The following SLC22A23 variants were observed in gnomAD, a reference collection of about 807,000 sequenced individuals.
The protein encoded by SLC22A23 is ion transporter protein.
A neutral mutation model predicts 61.0 loss-of-function variants in SLC22A23; 26 were observed. The ratio of observed to expected loss-of-function variants is 0.43; its 90% CI spans 0.31 to 0.59. The LOEUF is 0.59. SLC22A23 is among the 20% of genes least tolerant of loss of function. The probability of loss-of-function intolerance (pLI) is 0.11; values close to 1 mark genes in which losing one functional copy is unlikely to be tolerated. For synonymous variants in SLC22A23, 430 were observed against 413.9 expected, an observed-to-expected ratio of 1.04 and a Z score of -0.47; for missense variants, 796 against 934.7, an observed-to-expected ratio of 0.85 and a Z score of 1.94.
intron 3 of SLC22A23, among the ~76,000 whole-genome samples, chr6:3,341,106 T>C (rs1764128386): frequency 6.6e-6 from 1 of 152,158 alleles, no homozygotes; most frequent in African/African-American, 2.4e-5. Context: ...ACATACAGCA[T>C]TTAATATAGA....
Position 3,297,364 on chromosome 6 carries a change from G to A in SLC22A23, c.1210+727C>T, listed in dbSNP as rs1207258988. On this transcript the variant is annotated intron_variant, in intron 5 of 9. Transcript: ENST00000406686. The surrounding 1 kb of genome is among the most constrained non-coding windows in gnomAD (Gnocchi z 4.3). Reference sequence around the variant, plus strand: ...CAGTGAGGGCAGTGAGTCAGAGCTTGGGCCGAGACCACCAGTGATCTTCAA... The same window carrying A: ...CAGTGAGGGCAGTGAGTCAGAGCTTAGGCCGAGACCACCAGTGATCTTCAA... Among the ~76,000 whole-genome samples, 1 of 152,184 alleles carries A rather than the reference G, an allele frequency of 6.6e-6. No homozygotes were observed. Among genetic ancestry groups the A allele is most frequent in the Non-Finnish European group, 1.5e-5 (1 of 68,038 alleles).
chr6:3,412,247 A>T (rs1037455566), intron 2 of SLC22A23, among the ~76,000 whole-genome samples: 1 of 152,194 alleles, frequency 6.6e-6, no homozygotes, highest in East Asian at 1.9e-4. Context: ...AATGGTGGCT[A>T]AAATCAACAA....
intron 3 of SLC22A23, among the ~76,000 whole-genome samples, chr6:3,354,120 C>A (rs1027406570): frequency 1.3e-5 from 2 of 152,228 alleles, no homozygotes; most frequent in Non-Finnish European, 2.9e-5. Flanking sequence ...CATGTGTTTT[C>A]TCCTTAGAGT....
At position 3,324,420 on chromosome 6, in the gene SLC22A23, C is replaced by T. The variant is rs556972974; in HGVS notation, c.914-418G>A. Among the ~76,000 whole-genome samples the T allele has an allele frequency of 1.1e-4, 17 of 152,180 alleles. 1 individual carries two copies. In the South Asian group the frequency reaches 3.5e-3, roughly 32 times the overall value. On this transcript the variant is annotated intron_variant, in intron 3 of 9. Transcript: ENST00000406686. This position sits in a 1 kb window ranked among gnomAD's most constrained non-coding sequence, Gnocchi z 4.3. Reference sequence around the variant, plus strand: ...CCTGTCCATGATGCTGTATTAGGGGCCATCTCGACCTCTAGACAGGACACC... The same window carrying T: ...CCTGTCCATGATGCTGTATTAGGGGTCATCTCGACCTCTAGACAGGACACC...
At position 3,297,029 on chromosome 6, in the gene SLC22A23, C is replaced by T. The variant is rs1045727312; in HGVS notation, c.1210+1062G>A. Among the ~76,000 whole-genome samples, 19 of 152,200 alleles carry T rather than the reference C, an allele frequency of 1.2e-4. No homozygotes were observed. Among genetic ancestry groups the T allele is most frequent in the African/African-American group, 4.6e-4 (19 of 41,452 alleles). On this transcript the variant is annotated intron_variant, in intron 5 of 9. Transcript: ENST00000406686. The surrounding 1 kb of genome is among the most constrained non-coding windows in gnomAD (Gnocchi z 4.3). ...TTCCGCAGCCACTCTGACTGTAGTC[C>T]CTCCCTGCCACCCTCTATCCCACAG...
At chr6:3,420,257 T>C (rs1387440167) in intron 1 of SLC22A23, among the ~76,000 whole-genome samples, 2 of 148,564 alleles carry the variant, frequency 1.3e-5, no homozygotes, top group Non-Finnish European at 1.5e-5. Flanking sequence ...AACCAAAAAC[T>C]GTGGAGTCAG....
At chr6:3,307,510 T>C (rs1195593104) in intron 4 of SLC22A23, among the ~76,000 whole-genome samples, 1 of 152,254 alleles carries the variant, frequency 6.6e-6, no homozygotes, top group East Asian at 1.9e-4. Context: ...GCCTTTAGCC[T>C]TCACTTGTCC....
intron 3 of SLC22A23, among the ~76,000 whole-genome samples, chr6:3,383,871 G>A (rs1767114698): frequency 6.6e-6 from 1 of 152,230 alleles, no homozygotes; most frequent in Non-Finnish European, 1.5e-5. Context: ...AAAGCAATGA[G>A]AGCCTTTGAA....
chr6:3,347,597 T>C (rs1764515669), intron 3 of SLC22A23, among the ~76,000 whole-genome samples: 1 of 152,030 alleles, frequency 6.6e-6, no homozygotes, highest in African/African-American at 2.4e-5. Context: ...TCTCCCAGCC[T>C]CCCTCTCTCA....
Position 3,342,645 on chromosome 6 carries a change from C to G in SLC22A23, c.914-18643G>C, listed in dbSNP as rs1481400945. Among the ~76,000 whole-genome samples, 1 of 152,176 alleles carries G rather than the reference C, an allele frequency of 6.6e-6. No homozygotes were observed. Among genetic ancestry groups the G allele is most frequent in the Admixed American group, 6.5e-5 (1 of 15,280 alleles). On this transcript the variant is annotated intron_variant, in intron 3 of 9. Transcript: ENST00000406686. The surrounding 1 kb of genome is among the most constrained non-coding windows in gnomAD (Gnocchi z 4.0). ...TCCAGGAGATTCAAACCTTGAGGAG[C>G]TTTTGCCGTCAAATGTCAGCAAAAT...
chr6:3,448,628 G>C (rs1225358364), intron 1 of SLC22A23, among the ~76,000 whole-genome samples: 1 of 152,218 alleles, frequency 6.6e-6, no homozygotes, highest in South Asian at 2.1e-4. Flanking sequence ...CGAGTAGCTG[G>C]GACTACAGGC....
At chr6:3,277,115 C>T (rs1758982106) in intron 9 of SLC22A23, 1 of 152,430 alleles carries the variant, frequency 6.6e-6, no homozygotes, top group Admixed American at 6.5e-5. Context: ...GAAGGGGCCA[C>T]CCAAGTCTTT....
At chr6:3,437,364 A>T (rs187509344) in intron 1 of SLC22A23, among the ~76,000 whole-genome samples, 16 of 152,256 alleles carry the variant, frequency 1.1e-4, no homozygotes, top group Admixed American at 3.9e-4. Flanking sequence ...GAAAAATATT[A>T]CAAATAAGTC....
rs761340954 is a variant in SLC22A23, at chr6:3,286,965, G to A, written c.1440C>T (p.Cys480=). Reference sequence around the variant, plus strand: ...ATCGGACCACCACGCACATGGCCAGGCAGGACACCAGCGCGATGCTGGCCG... The same window carrying A: ...ATCGGACCACCACGCACATGGCCAGACAGGACACCAGCGCGATGCTGGCCG... ...YTTASIALVS[C]LAMCVVVRFL... The change falls in exon 7 of 10, where the codon TGC becomes TGT. Residue 480 remains cysteine (C), a synonymous_variant. Transcript: ENST00000406686. The surrounding 1 kb of genome is among the most constrained non-coding windows in gnomAD (Gnocchi z 4.2). 2.2e-5 allele frequency: 36 copies of A among 1,614,116 alleles called. No homozygotes were observed. The East Asian group carries it at 8.0e-4, about 36-fold the overall frequency.
chr6:3,344,295 A>AT (rs1186404701), intron 3 of SLC22A23, among the ~76,000 whole-genome samples: 4 of 152,192 alleles, frequency 2.6e-5, no homozygotes, highest in Non-Finnish European at 4.4e-5. Flanking sequence ...AACCAAACAA[A>AT]TTTTTTAAAA....
chr6:3,405,491 G>C (rs766186648), intron 3 of SLC22A23, among the ~76,000 whole-genome samples: 30 of 152,100 alleles, frequency 2.0e-4, no homozygotes, highest in Admixed American at 3.3e-4. Context: ...CCCAAATGCA[G>C]AGCAAATGTT....
intron 5 of SLC22A23, chr6:3,290,402 C>T: frequency 5.4e-6 from 1 of 184,418 alleles, no homozygotes; most frequent in Non-Finnish European, 1.1e-5. Context: ...GCCCTTAGGA[C>T]ATCATATGCA....
rs188013610 is a variant in SLC22A23 at position 3,386,042 on chromosome 6, A to C, written c.913+24146T>G. ...CCAGATGTGACACATCTCACTCTAA[A>C]TGATGCGGCTCTCAAATTCCCCATT... is the stretch of plus-strand genomic sequence containing the variant. On this transcript the variant is annotated intron_variant, in intron 3 of 9. Transcript: ENST00000406686. This position sits in a 1 kb window ranked among gnomAD's most constrained non-coding sequence, Gnocchi z 4.4. Among the ~76,000 whole-genome samples, 174 of 152,326 alleles carry C rather than the reference A, an allele frequency of 1.1e-3. 1 individual carries two copies. The highest frequency in any genetic ancestry group is 2.6e-4 in the Non-Finnish European group (18 of 68,024).
intron 1 of SLC22A23, among the ~76,000 whole-genome samples, chr6:3,434,901 A>C (rs1021265520): frequency 4.6e-5 from 7 of 152,212 alleles, no homozygotes; most frequent in African/African-American, 1.7e-4. Context: ...TGCTATGTCA[A>C]GGCCTGAGGT....
Sources: allele counts gnomAD v4.1 joint callset (sites outside exome capture counted in the v4.1 genomes callset), GRCh38; gene constraint gnomAD v4.1.1; non-coding constraint Gnocchi (gnomAD v3.1); transcripts MANE v1.5; gene names NCBI Gene and HGNC (gene_info 2026-07-23, HGNC 2026-07-21).